Variants in WDR33 observed in about 807,000 individuals in gnomAD.
The protein encoded by WDR33 is WD repeat domain 33.
WDR33 carries 47 observed loss-of-function variants against 164.9 expected under a neutral mutation model. The observed-to-expected ratio is 0.29, with a 90% CI of 0.23 to 0.36. The LOEUF is 0.36. Ranked by LOEUF, WDR33 falls within the 10% of genes least tolerant of loss-of-function variation. The pLI is 1.00. For synonymous variants in WDR33, 505 were observed against 589.0 expected, an observed-to-expected ratio of 0.86 and a Z score of 2.06; for missense variants, 1,137 against 1,754.1, an observed-to-expected ratio of 0.65 and a Z score of 6.28.
rs918852180 is a variant in WDR33 at position 127,704,187 on chromosome 2, C to T, written c.*2136G>A. The T allele has an allele frequency of 2.4e-5, 4 of 166,068 alleles. No homozygotes were observed. The highest frequency in any genetic ancestry group is 9.8e-5 in the African/African-American group (4 of 40,998). The allele number at this position is 166,068 out of a possible 1,614,324, so 10.3% of individuals were successfully genotyped here. A position where few individuals can be genotyped will look rare whatever the true frequency, so the allele number is the denominator to read the frequency against. On this transcript the variant is annotated 3_prime_UTR_variant, in exon 22 of 22. Coordinates refer to ENST00000322313, the MANE Select transcript of WDR33 (RefSeq NM_018383.5). ...TTTTATAAGCTTCAAATCACAACAT[C>T]TAGTATGTATGCTGACAGTGATGTT... is the stretch of plus-strand genomic sequence containing the variant.
rs985535834 is a variant in WDR33, at chr2:127,722,500, A to G, written c.1518+91T>C. 11 of 1,524,980 alleles carry G rather than the reference A, an allele frequency of 7.2e-6. No individual in the cohort carries two copies. The Admixed American group carries it at 2.4e-4, about 33-fold the overall frequency. 94.5% of individuals were successfully genotyped at this position (1,524,980 alleles called of 1,614,324 possible). ...ATGGGAAAAATGCTCCAGTACAGAA[A>G]CACCTTCAACAGTGAGATAATCCAA... On this transcript the variant is annotated intron_variant, in intron 14 of 21. Transcript: ENST00000322313. This position sits in a 1 kb window ranked among gnomAD's most constrained non-coding sequence, Gnocchi z 5.1.
chr2:127,724,896 C>T lies in WDR33; in HGVS notation c.1076G>A (p.Trp359Ter). The T allele has an allele frequency of 6.2e-7, 1 of 1,614,104 alleles. No individual in the cohort carries two copies. Among genetic ancestry groups the T allele is most frequent in the Non-Finnish European group, 8.5e-7 (1 of 1,180,002 alleles). ...CATAAATCTTACATACCCAACATGC[C>T]AGAATAACAAAGAACCATCAGACCC... ...SGGSDGSLLF[W>*]HVGVEKEVGG... Residue 359 changes from tryptophan (W) to a stop codon, truncating the protein, a stop_gained, in exon 10 of 22, where the codon TGG becomes TAG. Transcript: ENST00000322313. LOFTEE classifies it high-confidence loss of function. This position sits in a 1 kb window ranked among gnomAD's most constrained non-coding sequence, Gnocchi z 4.8.
At chr2:127,740,017 A>G (rs1558931702) in intron 7 of WDR33, among the ~76,000 whole-genome samples, 1 of 152,212 alleles carries the variant, frequency 6.6e-6, no homozygotes, top group Non-Finnish European at 1.5e-5. Flanking sequence ...CCACCATTAC[A>G]TTCACTATGT....
rs201681607 is a variant in WDR33, at chr2:127,805,068, CTTTTTTTTTTTTTTT to C, written c.-24+5929_-24+5943del. 2.1e-3 allele frequency among the ~76,000 whole-genome samples: 176 copies of C among 84,422 alleles called. 4 individuals carry two copies. In the East Asian group the frequency reaches 0.06, roughly 29 times the overall value. 55.4% of individuals were successfully genotyped at this position (84,422 alleles called of 152,430 possible). ...CGTATCATCACCTGTGAAGTTTTTT[CTTTTTTTTTTTTTTT>C]TTTTTTTTTTTTTTGAGACAGGGTT... On this transcript the variant is annotated intron_variant, in intron 1 of 21. Transcript: ENST00000322313.
rs146084468 is a variant in WDR33, at chr2:127,768,962, T to C, written c.244A>G (p.Ile82Val). The change falls in exon 3 of 22, where the codon ATT becomes GTT. Residue 82 changes from isoleucine (I) to valine (V), a missense_variant. Physicochemically the swap from Ile to Val is conservative, Grantham distance 29. Transcript: ENST00000322313. ...WQRDQRDMRA[I>V]QPDAGYYNDL... ...TTGTAATAACCTGCATCAGGCTGAATTGCCCGCATATCTCTCTGGTCTCTT... is the reference window on the plus strand; with the variant it reads ...TTGTAATAACCTGCATCAGGCTGAACTGCCCGCATATCTCTCTGGTCTCTT... The C allele has an allele frequency of 9.7e-5, 155 of 1,590,014 alleles. No individual in the cohort carries two copies. The highest frequency in any genetic ancestry group is 1.2e-4 in the Non-Finnish European group (136 of 1,169,342).
At chr2:127,767,256 T>C (rs1286122384) in intron 4 of WDR33, among the ~76,000 whole-genome samples, 1 of 152,226 alleles carries the variant, frequency 6.6e-6, no homozygotes, top group East Asian at 1.9e-4. Context: ...TCATTTTTTT[T>C]CAACTGTTAT....
rs1686014771 is a variant in WDR33 at position 127,706,472 on chromosome 2, A to G, written c.3862T>C (p.Tyr1288His). 6.2e-7 allele frequency: 1 copy of G among 1,613,578 alleles called. No homozygotes were observed. The highest frequency in any genetic ancestry group is 8.5e-7 in the Non-Finnish European group (1 of 1,179,784). Residue 1288 changes from tyrosine (Y) to histidine (H), a missense_variant, in exon 22 of 22, where the codon TAC (tyrosine) becomes CAC (histidine). Tyr to His is a moderately conservative substitution (Grantham distance 83, BLOSUM62 2). Coordinates refer to ENST00000322313, the MANE Select transcript of WDR33 (RefSeq NM_018383.5). This position sits in a 1 kb window ranked among gnomAD's most constrained non-coding sequence, Gnocchi z 5.1. ...SSLDGEHHDG[Y>H]HRDEPFGGPP... ...CCCCCAAAAGGTTCATCTCTGTGGT[A>G]TCCATCGTGGTGCTCTCCGTCTAAG...
chr2:127,803,009 A>C (rs1200144026), intron 1 of WDR33, among the ~76,000 whole-genome samples: 1 of 152,146 alleles, frequency 6.6e-6, no homozygotes, highest in Non-Finnish European at 1.5e-5. Flanking sequence ...AAACTAAATT[A>C]AGAGGGAGAA....
At chr2:127,729,484 G>T (rs28451720) in intron 7 of WDR33, among the ~76,000 whole-genome samples, 24,224 of 151,946 alleles carry the variant, frequency 0.16, 2,106 homozygotes, top group South Asian at 0.25. Context: ...TTGGAACAGG[G>T]AGAGACTATT....
At chr2:127,730,721 T>C (rs1686680754) in intron 7 of WDR33, among the ~76,000 whole-genome samples, 1 of 152,200 alleles carries the variant, frequency 6.6e-6, no homozygotes, top group African/African-American at 2.4e-5. Context: ...GTACATTTTA[T>C]ACTTGTACAT....
chr2:127,729,899 G>A (rs901137982), intron 7 of WDR33, among the ~76,000 whole-genome samples: 3 of 152,166 alleles, frequency 2.0e-5, no homozygotes, highest in Admixed American at 6.5e-5. Context: ...AGTTACTTAA[G>A]AAAATATATG....
At position 127,708,558 on chromosome 2, in the gene WDR33, A is replaced by ACATTTAGGAGCATGTG; in HGVS notation, c.3781+103_3781+118dup. 8.7e-7 allele frequency: 1 copy of ACATTTAGGAGCATGTG among 1,148,550 alleles called. No individual in the cohort carries two copies. Among genetic ancestry groups the ACATTTAGGAGCATGTG allele is most frequent in the Non-Finnish European group, 1.2e-6 (1 of 820,162 alleles). 71.1% of individuals were successfully genotyped at this position (1,148,550 alleles called of 1,614,324 possible). On this transcript the variant is annotated intron_variant, in intron 21 of 21. Coordinates refer to ENST00000322313, the MANE Select transcript of WDR33 (RefSeq NM_018383.5). This position sits in a 1 kb window ranked among gnomAD's most constrained non-coding sequence, Gnocchi z 6.7. Reference sequence around the variant, plus strand: ...TGACAGCTCGTGTGGCACTGGCACCACATTTAGGAGCATGTGCCTCTGCAC... The same window carrying ACATTTAGGAGCATGTG: ...TGACAGCTCGTGTGGCACTGGCACCACATTTAGGAGCATGTGCATTTAGGAGCATGTGCCTCTGCAC...
chr2:127,741,343 G>A lies in WDR33; in HGVS notation c.725-14566C>T, dbSNP rs1687009258. On this transcript the variant is annotated intron_variant, in intron 7 of 21. Transcript: ENST00000322313. This position sits in a 1 kb window ranked among gnomAD's most constrained non-coding sequence, Gnocchi z 4.1. ...GGAGAAAAAGAGAAAAGAGAAGGGA[G>A]GGAGGAGAGAAAGATGGCAGTTCCA... 6.6e-6 allele frequency among the ~76,000 whole-genome samples: 1 copy of A among 152,130 alleles called. No homozygotes were observed. Among genetic ancestry groups the A allele is most frequent in the Non-Finnish European group, 1.5e-5 (1 of 68,014 alleles).
At chr2:127,800,592 G>T (rs182928150) in intron 1 of WDR33, among the ~76,000 whole-genome samples, 1 of 142,702 alleles carries the variant, frequency 7.0e-6, no homozygotes, top group African/African-American at 2.6e-5. Context: ...AGCTGAGATC[G>T]CATCACTGCA....
At position 127,719,531 on chromosome 2, in the gene WDR33, C is replaced by T. The variant is rs555778287; in HGVS notation, c.2494G>A (p.Glu832Lys). The T allele has an allele frequency of 6.2e-7, 1 of 1,613,778 alleles. No individual in the cohort carries two copies. Among genetic ancestry groups the T allele is most frequent in the African/African-American group, 1.3e-5 (1 of 74,968 alleles). Residue 832 changes from glutamate (E) to lysine (K), a missense_variant, in exon 16 of 22, where the codon GAG becomes AAG. Physicochemically the swap from Glu to Lys is moderately conservative, Grantham distance 56 (BLOSUM62 1). Transcript: ENST00000322313. This position sits in a 1 kb window ranked among gnomAD's most constrained non-coding sequence, Gnocchi z 6.5. ...GGAGGCCCCTGCATGCCTCGGATCT[C>T]CTGAGGACCTCTCATTTCCTGAGGG... ...HGPQEMRGPQEIRGMQGPPPQ... is the reference protein window; with the variant it reads ...HGPQEMRGPQKIRGMQGPPPQ...
In WDR33 at chr2:127,703,489, A is replaced by C. The variant is rs957423481; in HGVS notation, c.*2834T>G. On this transcript the variant is annotated 3_prime_UTR_variant, in exon 22 of 22. Coordinates refer to ENST00000322313, the MANE Select transcript of WDR33 (RefSeq NM_018383.5). The stretch of plus-strand genomic sequence containing the variant: ...AACCCCAAAATTTATGTTCCTAAGT[A>C]AGTCAGGTCCCTAAGCCCCGTCCCA... 6.6e-5 allele frequency: 11 copies of C among 167,062 alleles called. No homozygotes were observed. Among genetic ancestry groups the C allele is most frequent in the Admixed American group, 2.0e-4 (3 of 15,274 alleles). The allele number at this position is 167,062 out of a possible 1,614,324, so 10.3% of individuals were successfully genotyped here. A position where few individuals can be genotyped will look rare whatever the true frequency, so the allele number is the denominator to read the frequency against.
rs1687971057 is a variant in WDR33 at position 127,770,657 on chromosome 2, C to T, written c.204+121G>A. ...AGTGAGCCAAAACCACACCACTGCA[C>T]TCTGGCCTGGGCAACAAGAAAGAAA... On this transcript the variant is annotated intron_variant, in intron 2 of 21. Transcript: ENST00000322313. The surrounding 1 kb of genome is among the most constrained non-coding windows in gnomAD (Gnocchi z 4.9). 1.4e-6 allele frequency: 1 copy of T among 729,786 alleles called. No individual in the cohort carries two copies. Among genetic ancestry groups the T allele is most frequent in the African/African-American group, 1.9e-5 (1 of 53,460 alleles). 45.2% of individuals were successfully genotyped at this position (729,786 alleles called of 1,614,324 possible). A position where few individuals can be genotyped will look rare whatever the true frequency, so the allele number is the denominator to read the frequency against.
intron 7 of WDR33, among the ~76,000 whole-genome samples, chr2:127,757,812 T>C (rs1340290032): frequency 1.3e-5 from 2 of 152,202 alleles, no homozygotes; most frequent in African/African-American, 4.8e-5. Flanking sequence ...CATTCAAACT[T>C]TGTAAATGTG....
At position 127,713,797 on chromosome 2, in the gene WDR33, A is replaced by G; in HGVS notation, c.3094T>C (p.Phe1032Leu). Residue 1032 changes from phenylalanine (F) to leucine (L), a missense_variant, in exon 18 of 22, where the codon TTT becomes CTT. Physicochemically the swap from Phe to Leu is conservative, Grantham distance 22. Coordinates refer to ENST00000322313, the MANE Select transcript of WDR33 (RefSeq NM_018383.5). This position sits in a 1 kb window ranked among gnomAD's most constrained non-coding sequence, Gnocchi z 6.2. ...DKRFGHRLRE[F>L]EGRGGPLPQE... is the part of the protein sequence containing the mutation. ...GGTAAAGGTCCTCCTCGCCCCTCAA[A>G]TTCACGTAACCGGTGGCCAAAGCGC... The G allele has an allele frequency of 6.2e-7, 1 of 1,614,208 alleles. No individual in the cohort carries two copies. The highest frequency in any genetic ancestry group is 8.5e-7 in the Non-Finnish European group (1 of 1,180,036).
Sources: gnomAD v4.1 joint callset for allele counts (sites outside exome capture counted in the v4.1 genomes callset) on GRCh38, gnomAD v4.1.1 for gene constraint, Gnocchi (gnomAD v3.1) non-coding constraint, MANE v1.5 for transcripts, NCBI Gene and HGNC (gene_info 2026-07-23, HGNC 2026-07-21) for gene names.